The following RFX3 variants were observed in gnomAD, a reference collection of about 807,000 sequenced individuals.
The protein encoded by RFX3 is regulatory factor X3.
RFX3 carries 14 observed loss-of-function variants against 98.6 expected under a neutral mutation model. The observed-to-expected ratio is 0.14, with a 90% confidence interval of 0.09 to 0.22. RFX3 has a LOEUF of 0.22. Ranked by LOEUF, RFX3 falls within the 10% of genes least tolerant of loss-of-function variation. The probability of loss-of-function intolerance (pLI) is 1.00; values close to 1 mark genes in which losing one functional copy is unlikely to be tolerated. For missense variants in RFX3, 639 were observed against 926.9 expected (o/e 0.69, Z 4.03); for synonymous variants, 383 against 328.4 (o/e 1.17, Z -1.80).
At chr9:3,499,038 A>C (rs897851898) in intron 1 of RFX3, among the ~76,000 whole-genome samples, 3 of 152,148 alleles carry the variant, frequency 2.0e-5, no homozygotes, top group Non-Finnish European at 4.4e-5. Context: ...GATTTCTAAC[A>C]AAGGGACAAA....
intron 1 of RFX3, among the ~76,000 whole-genome samples, chr9:3,465,600 G>C (rs187318179): frequency 6.6e-6 from 1 of 151,490 alleles, no homozygotes; most frequent in Non-Finnish European, 1.5e-5. Flanking sequence ...CGCTGCACTT[G>C]GCCCATATGT....
intron 2 of RFX3, among the ~76,000 whole-genome samples, chr9:3,382,564 A>T (rs1422080695): frequency 6.6e-6 from 1 of 152,108 alleles, no homozygotes; most frequent in African/African-American, 2.4e-5. Context: ...CTGATTTCTA[A>T]TTTTTAATGC....
At chr9:3,349,716 A>G (rs889833403) in intron 2 of RFX3, among the ~76,000 whole-genome samples, 1 of 152,124 alleles carries the variant, frequency 6.6e-6, no homozygotes, top group Non-Finnish European at 1.5e-5. Flanking sequence ...GTGTGAATAC[A>G]TACACACCTC....
chr9:3,490,335 G>C, intron 1 of RFX3: 2 of 983,496 alleles, frequency 2.0e-6, no homozygotes, highest in Non-Finnish European at 2.4e-6. Flanking sequence ...ATGCCAGAAT[G>C]ACCAAGTGGC....
At position 3,223,897 on chromosome 9, in the gene RFX3, C is replaced by T. The variant is rs558766263; in HGVS notation, c.*1145G>A. On this transcript the variant is annotated 3_prime_UTR_variant, in exon 17 of 17. Transcript: ENST00000617270. ...GTCCATCCAGCCACCTATCCAAATC[C>T]TACAGAATTGGGGATAAGTAACAGT... The T allele has an allele frequency of 6.6e-6, 1 of 152,332 alleles. No homozygotes were observed. Among genetic ancestry groups the T allele is most frequent in the East Asian group, 1.9e-4 (1 of 5,190 alleles). The allele number at this position is 152,332 out of a possible 1,614,324, so 9.4% of individuals were successfully genotyped here.
chr9:3,273,364 C>T (rs1483144319), intron 9 of RFX3, among the ~76,000 whole-genome samples: 2 of 152,030 alleles, frequency 1.3e-5, no homozygotes, highest in Non-Finnish European at 2.9e-5. Flanking sequence ...TGCCATTTTC[C>T]ACACAGATTA....
At chr9:3,325,908 T>G (rs191821522) in intron 4 of RFX3, among the ~76,000 whole-genome samples, 1 of 152,256 alleles carries the variant, frequency 6.6e-6, no homozygotes, top group East Asian at 1.9e-4. Context: ...GTTGATATAG[T>G]TAGAAGACAG....
intron 1 of RFX3, among the ~76,000 whole-genome samples, chr9:3,517,001 T>C (rs553210159): frequency 7.2e-5 from 11 of 152,352 alleles, no homozygotes; most frequent in Admixed American, 1.3e-4. Flanking sequence ...GCTATAGGTA[T>C]GGCCATTATG....
intron 15 of RFX3, among the ~76,000 whole-genome samples, chr9:3,237,803 G>T (rs962660342): frequency 6.6e-6 from 1 of 152,168 alleles, no homozygotes; most frequent in Non-Finnish European, 1.5e-5. Flanking sequence ...TTAAATACAG[G>T]AGTGGAGCAC....
In RFX3 at chr9:3,435,855, C is replaced by T. The variant is rs898605955; in HGVS notation, c.-8-40259G>A. On this transcript the variant is annotated intron_variant, in intron 1 of 16. Transcript: ENST00000617270. ...AACACTGCCTTTTATCTGAGTGGGG[C>T]CACAGCAGCCAAATTTGTACTTCAT... Among the ~76,000 whole-genome samples the T allele has an allele frequency of 4.7e-5, 7 of 148,706 alleles. No individual in the cohort carries two copies. The East Asian group carries it at 1.4e-3, about 29-fold the overall frequency.
chr9:3,519,997 C>A (rs1454014860), intron 1 of RFX3, among the ~76,000 whole-genome samples: 1 of 152,078 alleles, frequency 6.6e-6, no homozygotes, highest in Non-Finnish European at 1.5e-5. Flanking sequence ...GTAGTCCTAG[C>A]TACTCAGGAG....
intron 1 of RFX3, among the ~76,000 whole-genome samples, chr9:3,443,691 A>T (rs1845798866): frequency 6.6e-6 from 1 of 152,148 alleles, no homozygotes; most frequent in Non-Finnish European, 1.5e-5. Flanking sequence ...TTTATAATAG[A>T]ATGATTTATA....
chr9:3,523,366 T>A (rs1345140991), intron 1 of RFX3, among the ~76,000 whole-genome samples: 1 of 152,214 alleles, frequency 6.6e-6, no homozygotes. Flanking sequence ...TGTGTTTAAT[T>A]TTTAAATTTA....
intron 1 of RFX3, among the ~76,000 whole-genome samples, chr9:3,465,634 A>C (rs1308698700): frequency 6.6e-6 from 1 of 152,040 alleles, no homozygotes; most frequent in Non-Finnish European, 1.5e-5. Context: ...TTACAAGTTC[A>C]ATGAAAATAT....
At chr9:3,361,170 T>A (rs1836384228) in intron 2 of RFX3, among the ~76,000 whole-genome samples, 1 of 152,108 alleles carries the variant, frequency 6.6e-6, no homozygotes, top group Non-Finnish European at 1.5e-5. Flanking sequence ...TGACTAAATG[T>A]GAAACAGAAG....
chr9:3,312,127 A>G (rs576845970), intron 4 of RFX3, among the ~76,000 whole-genome samples: 1 of 152,342 alleles, frequency 6.6e-6, no homozygotes, highest in Non-Finnish European at 1.5e-5. Context: ...AACTGCACAC[A>G]GTATGGATAA....
chr9:3,274,659 G>A (rs1057212658), intron 9 of RFX3, among the ~76,000 whole-genome samples: 5 of 151,926 alleles, frequency 3.3e-5, no homozygotes, highest in Non-Finnish European at 5.9e-5. Context: ...GAACACCTAA[G>A]GTGGTTTATT....
At chr9:3,359,028 CAG>C (rs1836106007) in intron 2 of RFX3, among the ~76,000 whole-genome samples, 1 of 151,832 alleles carries the variant, frequency 6.6e-6, no homozygotes, top group East Asian at 1.9e-4. Context: ...AGTAGGGACA[CAG>C]AGCCCACCCA....
intron 1 of RFX3, among the ~76,000 whole-genome samples, chr9:3,444,805 A>G (rs998540648): frequency 5.9e-5 from 9 of 152,198 alleles, no homozygotes; most frequent in African/African-American, 2.2e-4. Context: ...AGCTACACCA[A>G]TGGAATATAC....
Sources: gnomAD v4.1 joint callset for allele counts (sites outside exome capture counted in the v4.1 genomes callset) on GRCh38, gnomAD v4.1.1 for gene constraint, MANE v1.5 for transcripts, NCBI Gene and HGNC (gene_info 2026-07-23, HGNC 2026-07-21) for gene names.